The following DAAM1 variants were observed in gnomAD, a reference collection of about 807,000 sequenced individuals.
The protein encoded by DAAM1 is dishevelled associated activator of morphogenesis 1, also known as disheveled-associated activator of morphogenesis 1.
In DAAM1, 52 loss-of-function variants were observed where a neutral mutation model predicts 130.0. The observed-to-expected ratio is 0.40, with a 90% confidence interval of 0.32 to 0.50. DAAM1 has a LOEUF of 0.50. DAAM1 is among the 20% of genes least tolerant of loss of function. The pLI is 0.61. For synonymous variants in DAAM1, 452 were observed against 444.5 expected (o/e 1.02, Z -0.21); for missense variants, 1,134 against 1,303.8 (o/e 0.87, Z 2.01).
At chr14:59,211,769 T>G (rs946160261) in intron 1 of DAAM1, among the ~76,000 whole-genome samples, 1 of 152,214 alleles carries the variant, frequency 6.6e-6, no homozygotes, top group Non-Finnish European at 1.5e-5. Context: ...TCTATATTTC[T>G]TGAATTTGCA....
At chr14:59,316,171 A>G (rs893754879) in intron 4 of DAAM1, among the ~76,000 whole-genome samples, 1 of 152,180 alleles carries the variant, frequency 6.6e-6, no homozygotes, top group Non-Finnish European at 1.5e-5. Flanking sequence ...TCATGGTTTT[A>G]AGAGTCAATC....
intron 2 of DAAM1, among the ~76,000 whole-genome samples, chr14:59,287,292 C>T (rs182064707): frequency 1.3e-5 from 2 of 152,188 alleles, no homozygotes; most frequent in East Asian, 3.9e-4. Flanking sequence ...CTCAAAATAG[C>T]AAGAGCCATC....
chr14:59,254,455 C>T (rs1881781419), intron 1 of DAAM1, among the ~76,000 whole-genome samples: 1 of 152,136 alleles, frequency 6.6e-6, no homozygotes, highest in Non-Finnish European at 1.5e-5. Context: ...TGTCTTTGTA[C>T]GGTATCTGAG....
In DAAM1 at chr14:59,263,876, G is replaced by A. The variant is rs1051881604; in HGVS notation, c.183+216G>A. The A allele has an allele frequency of 1.2e-5, 7 of 601,474 alleles. No individual in the cohort carries two copies. In the African/African-American group the frequency reaches 1.3e-4, roughly 11 times the overall value. 37.3% of individuals were successfully genotyped at this position (601,474 alleles called of 1,614,324 possible). A position where few individuals can be genotyped will look rare whatever the true frequency, so the allele number is the denominator to read the frequency against. On this transcript the variant is annotated intron_variant, in intron 2 of 24. Coordinates refer to ENST00000360909, the MANE Select transcript of DAAM1 (RefSeq NM_001270520.2). ...ATTACTACATCCAAGTGCTTTGCTT[G>A]TGCTTTAAGTGGGTGGAGGGATTTA...
intron 3 of DAAM1, among the ~76,000 whole-genome samples, chr14:59,293,366 C>T (rs1338974298): frequency 2.0e-5 from 3 of 152,172 alleles, no homozygotes. Context: ...GCAGCTGCTG[C>T]TCATTTTTCA....
At chr14:59,232,023 A>G (rs1448432365) in intron 1 of DAAM1, among the ~76,000 whole-genome samples, 1 of 152,152 alleles carries the variant, frequency 6.6e-6, no homozygotes, top group Non-Finnish European at 1.5e-5. Context: ...AGCTAGTACT[A>G]TTTTATCCCC....
At chr14:59,214,930 A>C (rs887230760) in intron 1 of DAAM1, among the ~76,000 whole-genome samples, 1 of 152,214 alleles carries the variant, frequency 6.6e-6, no homozygotes, top group East Asian at 1.9e-4. Flanking sequence ...TGGTTTTCTA[A>C]AGTGACTGCA....
chr14:59,353,320 G>A (rs938679303), intron 18 of DAAM1, among the ~76,000 whole-genome samples: 17 of 152,194 alleles, frequency 1.1e-4, no homozygotes, highest in Non-Finnish European at 1.8e-4. Context: ...TCTCCTTTAG[G>A]GGTGTAGAGA....
chr14:59,202,533 T>G (rs1026719730), intron 1 of DAAM1, among the ~76,000 whole-genome samples: 1 of 152,222 alleles, frequency 6.6e-6, no homozygotes, highest in Non-Finnish European at 1.5e-5. Flanking sequence ...TAAAAAATGT[T>G]TTTAGTGTTG....
chr14:59,270,272 A>G (rs943628215), intron 2 of DAAM1, among the ~76,000 whole-genome samples: 6 of 152,210 alleles, frequency 3.9e-5, no homozygotes, highest in African/African-American at 1.4e-4. Flanking sequence ...GGAAGGCTCA[A>G]GATTGAGCAT....
intron 17 of DAAM1, among the ~76,000 whole-genome samples, chr14:59,352,281 A>G (rs1030071530): frequency 6.6e-6 from 1 of 152,184 alleles, no homozygotes; most frequent in African/African-American, 2.4e-5. Flanking sequence ...AACTCCCACA[A>G]TTCTGATTTG....
At chr14:59,302,473 C>T (rs745748022) in intron 3 of DAAM1, among the ~76,000 whole-genome samples, 32 of 152,096 alleles carry the variant, frequency 2.1e-4, no homozygotes, top group Admixed American at 5.2e-4. Context: ...ACTCCCTCAG[C>T]ATTCACTCAG....
rs1198493263 is a variant in DAAM1 at position 59,369,058 on chromosome 14, C to T, written c.*199C>T. On this transcript the variant is annotated 3_prime_UTR_variant, in exon 25 of 25. Coordinates refer to ENST00000360909, the MANE Select transcript of DAAM1 (RefSeq NM_001270520.2). Reference sequence around the variant, plus strand: ...AGATGTCTGAGTGTTGTCTGGAGACCTATACGTATGGTTAAAAAGATTTAT... The same window carrying T: ...AGATGTCTGAGTGTTGTCTGGAGACTTATACGTATGGTTAAAAAGATTTAT... 13 of 546,640 alleles carry T rather than the reference C, an allele frequency of 2.4e-5. No individual in the cohort carries two copies. 33.9% of individuals were successfully genotyped at this position (546,640 alleles called of 1,614,324 possible). A position where few individuals can be genotyped will look rare whatever the true frequency, so the allele number is the denominator to read the frequency against.
intron 1 of DAAM1, among the ~76,000 whole-genome samples, chr14:59,222,307 G>A (rs1316957361): frequency 6.6e-6 from 1 of 152,172 alleles, no homozygotes. Context: ...GGTGATTTTG[G>A]CAGAGGCATT....
chr14:59,345,774 T>G (rs1331210179), intron 16 of DAAM1, among the ~76,000 whole-genome samples: 2 of 152,190 alleles, frequency 1.3e-5, no homozygotes, highest in Non-Finnish European at 2.9e-5. Flanking sequence ...CATCTGGTTC[T>G]CCCAATGACT....
At position 59,224,762 on chromosome 14, in the gene DAAM1, A is replaced by G. The variant is rs142573527; in HGVS notation, c.-38+35994A>G. Among the ~76,000 whole-genome samples, 212 of 152,348 alleles carry G rather than the reference A, an allele frequency of 1.4e-3. 2 individuals carry two copies. Among genetic ancestry groups the G allele is most frequent in the African/African-American group, 7.5e-4 (31 of 41,590 alleles). ...TCTGAATTTGTTTTCCCAAATCTGT[A>G]TGTTAAATCTTAATCACCAAGGTGG... On this transcript the variant is annotated intron_variant, in intron 1 of 24. Transcript: ENST00000360909.
At chr14:59,363,944 G>A (rs1005463267) in intron 23 of DAAM1, among the ~76,000 whole-genome samples, 162 bp downstream of exon 23, 1 of 152,198 alleles carries the variant, frequency 6.6e-6, no homozygotes, top group African/African-American at 2.4e-5. Flanking sequence ...CCATTGTTTT[G>A]CATGACATAG....
At position 59,242,412 on chromosome 14, in the gene DAAM1, G is replaced by A. The variant is rs530182242; in HGVS notation, c.-37-21029G>A. On this transcript the variant is annotated intron_variant, in intron 1 of 24. Coordinates refer to ENST00000360909, the MANE Select transcript of DAAM1 (RefSeq NM_001270520.2). ...GGGCACATGTCACAACCAGAGATGG[G>A]CACATAGCATTGGCTTTGCCAATCA... Among the ~76,000 whole-genome samples the A allele has an allele frequency of 3.9e-5, 6 of 152,224 alleles. No individual in the cohort carries two copies. The South Asian group carries it at 1.2e-3, about 32-fold the overall frequency.
intron 1 of DAAM1, among the ~76,000 whole-genome samples, chr14:59,256,871 T>A (rs1383460284): frequency 1.3e-5 from 2 of 152,198 alleles, no homozygotes; most frequent in African/African-American, 4.8e-5. Flanking sequence ...TTGAGGAGGT[T>A]CAGATCATGA....
Sources: gnomAD v4.1 joint callset for allele counts (sites outside exome capture counted in the v4.1 genomes callset) on GRCh38, gnomAD v4.1.1 for gene constraint, MANE v1.5 for transcripts, NCBI Gene and HGNC (gene_info 2026-07-23, HGNC 2026-07-21) for gene names.